Variants in FANK1 observed in about 807,000 individuals in gnomAD.
FANK1 encodes fibronectin type 3 and ankyrin repeat domains protein 1.
A neutral mutation model predicts 45.3 loss-of-function variants in FANK1; 44 were observed. That is an observed-to-expected ratio of 0.97 (90% confidence interval 0.76 to 1.25). The LOEUF is 1.25. FANK1 is among the 50% of genes most tolerant of loss of function. FANK1 has a pLI of 0.00. For missense variants in FANK1, 391 were observed against 424.4 expected, an observed-to-expected ratio of 0.92 and a Z score of 0.69; for synonymous variants, 149 against 152.5, an observed-to-expected ratio of 0.98 and a Z score of 0.17.
rs1322867760 is a variant in FANK1, at chr10:125,940,480, A to G, written c.14-39681A>G. On this transcript the variant is annotated intron_variant, in intron 1 of 10. Transcript: ENST00000368693. ...GTAACAGAGCAGCATTGCCGCCAGCATATCTCGCCTCCAGCCACAGGGCGG... is the reference window on the plus strand; with the variant it reads ...GTAACAGAGCAGCATTGCCGCCAGCGTATCTCGCCTCCAGCCACAGGGCGG... 2.0e-5 allele frequency among the ~76,000 whole-genome samples: 3 copies of G among 152,200 alleles called. 1 individual carries two copies. Among genetic ancestry groups the G allele is most frequent in the Admixed American group, 2.0e-4 (3 of 15,278 alleles).
At chr10:125,988,729 A>G in intron 3 of FANK1, 54 bp downstream of exon 3, 1 of 1,613,974 alleles carries the variant, frequency 6.2e-7, no homozygotes, top group South Asian at 1.1e-5. Flanking sequence ...GGAGATGACA[A>G]GCAATTTAGA....
At chr10:125,937,483 G>A (rs1182512061) in intron 1 of FANK1, among the ~76,000 whole-genome samples, 1 of 152,188 alleles carries the variant, frequency 6.6e-6, no homozygotes, top group Non-Finnish European at 1.5e-5. Context: ...TGTTTAGAAT[G>A]TCATATTTGG....
At chr10:125,985,983 G>C (rs1024921593) in intron 2 of FANK1, among the ~76,000 whole-genome samples, 1 of 151,994 alleles carries the variant, frequency 6.6e-6, no homozygotes, top group Non-Finnish European at 1.5e-5. Context: ...GAAACTTCTG[G>C]GCATCTTAAG....
chr10:125,951,857 C>G (rs999756226), intron 1 of FANK1, among the ~76,000 whole-genome samples: 5 of 152,144 alleles, frequency 3.3e-5, no homozygotes, highest in Non-Finnish European at 7.4e-5. Flanking sequence ...AAAAGCAATT[C>G]AAATGCATTT....
At chr10:125,989,332 C>T in intron 3 of FANK1, 2 of 1,551,158 alleles carry the variant, frequency 1.3e-6, no homozygotes, top group South Asian at 1.2e-5. Context: ...CAAGTGTTCT[C>T]CACGGCCCAC....
intron 1 of FANK1, among the ~76,000 whole-genome samples, chr10:125,930,762 T>C (rs1324649101): frequency 6.6e-6 from 1 of 152,162 alleles, no homozygotes; most frequent in Non-Finnish European, 1.5e-5. Context: ...AGGTGGTATT[T>C]GGTTACATGA....
intron 1 of FANK1, among the ~76,000 whole-genome samples, chr10:125,929,374 C>G (rs1200409465): frequency 6.6e-6 from 1 of 152,076 alleles, no homozygotes; most frequent in Non-Finnish European, 1.5e-5. Flanking sequence ...CCATAGGAGT[C>G]TGGTTAATGT....
intron 1 of FANK1, among the ~76,000 whole-genome samples, chr10:125,936,413 C>A (rs1185563210): frequency 7.0e-6 from 1 of 143,750 alleles, no homozygotes; most frequent in African/African-American, 2.6e-5. Context: ...AGTGAACCCA[C>A]TGGAGCGAGA....
intron 1 of FANK1, among the ~76,000 whole-genome samples, chr10:125,936,788 CTG>C (rs1948127746): frequency 6.6e-6 from 1 of 152,100 alleles, no homozygotes; most frequent in African/African-American, 2.4e-5. Flanking sequence ...TACCTCTAGG[CTG>C]GGCGTGGTGG....
intron 2 of FANK1, 54 bp from the exon 3 acceptor site, chr10:125,988,497 G>T: frequency 6.3e-7 from 1 of 1,590,426 alleles, no homozygotes; most frequent in South Asian, 1.1e-5. Context: ...TCTTATCAGA[G>T]AGTGCAGATT....
chr10:125,974,366 T>G (rs7918092), intron 1 of FANK1, among the ~76,000 whole-genome samples: 2 of 152,014 alleles, frequency 1.3e-5, no homozygotes, highest in African/African-American at 4.8e-5. Flanking sequence ...ACTTGGGACA[T>G]TGGCTCAAGG....
rs1294426365 is a variant in FANK1, at chr10:125,972,160, G to A, written c.14-8001G>A. The A allele has an allele frequency of 2.0e-5, 3 of 152,196 alleles. No individual in the cohort carries two copies. In the East Asian group the frequency reaches 5.8e-4, roughly 29 times the overall value. The allele number at this position is 152,196 out of a possible 1,614,324, so 9.4% of individuals were successfully genotyped here. A position where few individuals can be genotyped will look rare whatever the true frequency, so the allele number is the denominator to read the frequency against. On this transcript the variant is annotated intron_variant, in intron 1 of 10. Coordinates refer to ENST00000368693, the MANE Select transcript of FANK1 (RefSeq NM_145235.5). ...AAGTTAAATGTGGTGAAAGTTAAAT[G>A]AATAAATAAAGCATCCACACTAGTA...
intron 1 of FANK1, among the ~76,000 whole-genome samples, chr10:125,960,563 G>C (rs906266646): frequency 1.3e-5 from 2 of 152,256 alleles, no homozygotes; most frequent in African/African-American, 4.8e-5. Context: ...ATCTCGCTCT[G>C]TTGCCCAGGC....
chr10:125,935,276 T>C (rs1466605734), intron 1 of FANK1, among the ~76,000 whole-genome samples: 1 of 152,228 alleles, frequency 6.6e-6, no homozygotes, highest in East Asian at 1.9e-4. Context: ...TGTGGAACTA[T>C]AAGCTTCCTG....
At position 125,990,210 on chromosome 10, in the gene FANK1, G is replaced by A. The variant is rs112464329; in HGVS notation, c.316+1535G>A. Among the ~76,000 whole-genome samples, 440 of 152,270 alleles carry A rather than the reference G, an allele frequency of 2.9e-3. 1 individual carries two copies. Among genetic ancestry groups the A allele is most frequent in the African/African-American group, 0.01 (416 of 41,542 alleles). On this transcript the variant is annotated intron_variant, in intron 3 of 10. Coordinates refer to ENST00000368693, the MANE Select transcript of FANK1 (RefSeq NM_145235.5). ...CCTTTTGGTCTCTCACCTACATTGC[G>A]GGCTCCGAAAGGATGGACGATGGGT...
At position 126,008,423 on chromosome 10, in the gene FANK1, C is replaced by G. The variant is rs377305850; in HGVS notation, c.722C>G (p.Thr241Ser). The G allele has an allele frequency of 2.0e-5, 32 of 1,605,288 alleles. No individual in the cohort carries two copies. The highest frequency in any genetic ancestry group is 3.4e-5 in the Admixed American group (2 of 58,288). Residue 241 changes from threonine (T) to serine (S), a missense_variant, in exon 8 of 11, where the codon ACT becomes AGT. Transcript: ENST00000368693. ...KDGCEVDVVD[T>S]GSGWTPLMRV... ...GCCCAACAGGTAGACGTCGTGGACA[C>G]TGGTTCAGGATGGACCCCACTCATG...
At chr10:125,976,797 A>G (rs1229170843) in intron 1 of FANK1, among the ~76,000 whole-genome samples, 2 of 151,916 alleles carry the variant, frequency 1.3e-5, no homozygotes, top group Non-Finnish European at 2.9e-5. Flanking sequence ...TAATTTTTGT[A>G]TTTTTAGTAG....
intron 6 of FANK1, among the ~76,000 whole-genome samples, chr10:125,999,855 T>A (rs1419045317): frequency 6.6e-6 from 1 of 152,230 alleles, no homozygotes; most frequent in Admixed American, 6.5e-5. Context: ...GATTAGACAG[T>A]ATTTTGAAGG....
chr10:125,918,556 CAAAAAAAA>C (rs1156446362), intron 1 of FANK1, among the ~76,000 whole-genome samples: 7 of 7,100 alleles, frequency 9.9e-4, no homozygotes, highest in Non-Finnish European at 1.5e-3. Context: ...GCCTCTGTCT[CAAAAAAAA>C]AAAAAAAAAA....
Sources: gnomAD v4.1 joint callset for allele counts (sites outside exome capture counted in the v4.1 genomes callset) on GRCh38, gnomAD v4.1.1 for gene constraint, MANE v1.5 for transcripts, NCBI Gene and HGNC (gene_info 2026-07-23, HGNC 2026-07-21) for gene names.